Variants in MAN1A2 observed in about 807,000 individuals in gnomAD.
MAN1A2 encodes the protein mannosidase alpha class 1A member 2.
Under a neutral mutation model 75.7 loss-of-function variants are expected in MAN1A2, and 26 were observed. The observed-to-expected ratio is 0.34, with a 90% confidence interval of 0.25 to 0.48. MAN1A2 has a LOEUF of 0.48. Ranked by LOEUF, MAN1A2 falls within the 20% of genes least tolerant of loss-of-function variation. The pLI, the probability that MAN1A2 is intolerant of heterozygous loss-of-function variation, is 0.99. For missense variants in MAN1A2, 562 were observed against 775.5 expected (o/e 0.72, Z 3.27); for synonymous variants, 247 against 264.6 (o/e 0.93, Z 0.65).
At chr1:117,473,000 T>G (rs761078702) in intron 8 of MAN1A2, among the ~76,000 whole-genome samples, 6 of 152,004 alleles carry the variant, frequency 3.9e-5, no homozygotes, top group African/African-American at 7.2e-5. Context: ...ACCATTTACA[T>G]GCTGGCATCT....
intron 8 of MAN1A2, among the ~76,000 whole-genome samples, chr1:117,485,704 A>G (rs1308242000): frequency 6.6e-6 from 1 of 152,042 alleles, no homozygotes; most frequent in African/African-American, 2.4e-5. Context: ...CCTGGTATTT[A>G]CCACTAGAAT....
chr1:117,461,882 A>C (rs972938962), intron 7 of MAN1A2, among the ~76,000 whole-genome samples: 10 of 152,198 alleles, frequency 6.6e-5, no homozygotes, highest in Non-Finnish European at 1.3e-4. Context: ...AGACACTTCT[A>C]GAATTTATAC....
At chr1:117,507,472 A>C (rs1651408601) in intron 12 of MAN1A2, among the ~76,000 whole-genome samples, 1 of 151,692 alleles carries the variant, frequency 6.6e-6, no homozygotes. Context: ...TGAAAACTGG[A>C]TATAAACCAA....
intron 8 of MAN1A2, among the ~76,000 whole-genome samples, chr1:117,480,960 A>G (rs1476029207): frequency 6.6e-6 from 1 of 151,578 alleles, no homozygotes; most frequent in African/African-American, 2.4e-5. Context: ...CTTTCCCTCA[A>G]CCCCACCCAG....
chr1:117,479,986 C>T (rs987630875), intron 8 of MAN1A2, among the ~76,000 whole-genome samples: 3 of 151,888 alleles, frequency 2.0e-5, no homozygotes, highest in Non-Finnish European at 2.9e-5. Context: ...GAGTACTCTA[C>T]TAAATGTCCT....
chr1:117,444,008 A>G lies in MAN1A2; in HGVS notation c.950+1683A>G, dbSNP rs556618472. 1.2e-3 allele frequency among the ~76,000 whole-genome samples: 185 copies of G among 152,146 alleles called. 1 individual carries two copies. Among genetic ancestry groups the G allele is most frequent in the African/African-American group, 4.1e-3 (172 of 41,522 alleles). ...GACTGAAAGCCAACCCATCTTAATA[A>G]TCTATCATATTTATCTTCTACAATA... is the stretch of plus-strand genomic sequence containing the variant. On this transcript the variant is annotated intron_variant, in intron 6 of 12. Coordinates refer to ENST00000356554, the MANE Select transcript of MAN1A2 (RefSeq NM_006699.5).
rs10923320 is a variant in MAN1A2 at position 117,487,865 on chromosome 1, A to T, written c.1169-5282A>T. ...TTTTACAAGTTATGTGTTAACTTTT[A>T]TGATTTTTTTGTGATTATAAAATGT... On this transcript the variant is annotated intron_variant, in intron 8 of 12. Coordinates refer to ENST00000356554, the MANE Select transcript of MAN1A2 (RefSeq NM_006699.5). Among the ~76,000 whole-genome samples the T allele has an allele frequency of 3.7e-3, 562 of 152,178 alleles. 6 individuals are homozygous for T. Among genetic ancestry groups the T allele is most frequent in the African/African-American group, 0.013 (533 of 41,562 alleles).
chr1:117,480,399 A>G lies in MAN1A2; in HGVS notation c.1169-12748A>G, dbSNP rs146920478. Among the ~76,000 whole-genome samples the G allele has an allele frequency of 7.8e-3, 1,191 of 151,878 alleles. 12 individuals are homozygous for G. Among genetic ancestry groups the G allele is most frequent in the African/African-American group, 0.027 (1,120 of 41,454 alleles). ...GGACTCACCTTGTTTGTTTTCCATC[A>G]TTTAGCGATTACTATCCTCTGTTGT... On this transcript the variant is annotated intron_variant, in intron 8 of 12. Coordinates refer to ENST00000356554, the MANE Select transcript of MAN1A2 (RefSeq NM_006699.5).
intron 5 of MAN1A2, among the ~76,000 whole-genome samples, chr1:117,425,525 A>G (rs1224064728): frequency 6.6e-6 from 1 of 152,232 alleles, no homozygotes; most frequent in Non-Finnish European, 1.5e-5. Flanking sequence ...GTTTCTTCCC[A>G]AGAATGCAAG....
chr1:117,380,713 T>G (rs1433847409), intron 1 of MAN1A2, among the ~76,000 whole-genome samples: 1 of 152,214 alleles, frequency 6.6e-6, no homozygotes, highest in Non-Finnish European at 1.5e-5. Context: ...TTCAGTTCTA[T>G]TCCATTCATC....
At chr1:117,506,538 G>A (rs1240238522) in intron 12 of MAN1A2, among the ~76,000 whole-genome samples, 2 of 151,476 alleles carry the variant, frequency 1.3e-5, no homozygotes, top group Non-Finnish European at 3.0e-5. Context: ...TAATGAGGAA[G>A]GTCAGAGATA....
At position 117,496,886 on chromosome 1, in the gene MAN1A2, C is replaced by T. The variant is rs1028015606; in HGVS notation, c.1408C>T (p.Leu470=). ...CTGCTTTGCTGGGGGAATGTTTGCACTAGGAGCAGATGGTTCCAGAGCAGA... is the reference window on the plus strand; with the variant it reads ...CTGCTTTGCTGGGGGAATGTTTGCATTAGGAGCAGATGGTTCCAGAGCAGA... The part of the protein sequence containing the change: ...LACFAGGMFA[L]GADGSRADKA... The change falls in exon 10 of 13, where the codon CTA becomes TTA. Residue 470 remains leucine, a synonymous_variant. Transcript: ENST00000356554. 1 of 1,612,638 alleles carries T rather than the reference C, an allele frequency of 6.2e-7. No homozygotes were observed. The highest frequency in any genetic ancestry group is 1.3e-5 in the African/African-American group (1 of 74,882).
At chr1:117,471,883 G>T (rs1002198707) in intron 8 of MAN1A2, among the ~76,000 whole-genome samples, 1 of 151,910 alleles carries the variant, frequency 6.6e-6, no homozygotes, top group African/African-American at 2.4e-5. Context: ...ACCGGATCAG[G>T]TTTTGAGAAA....
At chr1:117,502,404 G>A (rs543567263) in intron 11 of MAN1A2, among the ~76,000 whole-genome samples, 3 of 151,718 alleles carry the variant, frequency 2.0e-5, no homozygotes, top group South Asian at 2.1e-4. Flanking sequence ...ATCTCTTACC[G>A]CTATTACTAT....
chr1:117,376,744 T>G lies in MAN1A2; in HGVS notation c.302+8259T>G, dbSNP rs1653159099. Among the ~76,000 whole-genome samples the G allele has an allele frequency of 2.0e-5, 3 of 152,254 alleles. No individual in the cohort carries two copies. The South Asian group carries it at 6.2e-4, about 32-fold the overall frequency. ...TATCCATAGGTTCCACATGTGTGGA[T>G]TCAACCAACTGCAGGTTGAAAATAT... On this transcript the variant is annotated intron_variant, in intron 1 of 12. Coordinates refer to ENST00000356554, the MANE Select transcript of MAN1A2 (RefSeq NM_006699.5).
At chr1:117,445,874 C>G (rs6664797) in intron 6 of MAN1A2, among the ~76,000 whole-genome samples, 4 of 93,666 alleles carry the variant, frequency 4.3e-5, no homozygotes, top group African/African-American at 8.6e-5. Context: ...GTGTGTGTGT[C>G]TGTGTGTGTG....
intron 1 of MAN1A2, among the ~76,000 whole-genome samples, chr1:117,381,243 A>T (rs12402086): frequency 1.3e-5 from 2 of 151,890 alleles, no homozygotes; most frequent in African/African-American, 4.8e-5. Flanking sequence ...TGTGCAGGTT[A>T]GTTACATATG....
At position 117,526,880 on chromosome 1, in the gene MAN1A2, C is replaced by CTCTCTCTCTCTATATATATA; in HGVS notation, c.*3924_*3925insCTCTCTCTCTATATATATAT. 5.9e-4 allele frequency: 32 copies of CTCTCTCTCTCTATATATATA among 54,506 alleles called. No homozygotes were observed. The highest frequency in any genetic ancestry group is 8.1e-4 in the African/African-American group (10 of 12,276). 3.4% of individuals were successfully genotyped at this position (54,506 alleles called of 1,614,324 possible). On this transcript the variant is annotated 3_prime_UTR_variant, in exon 13 of 13. Coordinates refer to ENST00000356554, the MANE Select transcript of MAN1A2 (RefSeq NM_006699.5). Reference sequence around the variant, plus strand: ...TCTCTCTCTCTCTCTCTCTCTCTCTCTATATATATATATATATATATATAT... The same window carrying CTCTCTCTCTCTATATATATA: ...TCTCTCTCTCTCTCTCTCTCTCTCTCTCTCTCTCTCTATATATATATATATATATATATATATATATATAT...
At chr1:117,470,529 C>T (rs1434823889) in intron 8 of MAN1A2, among the ~76,000 whole-genome samples, 1 of 151,924 alleles carries the variant, frequency 6.6e-6, no homozygotes, top group East Asian at 1.9e-4. Context: ...AACTTTTATT[C>T]CTCTGTTTTT....
Sources: allele counts gnomAD v4.1 joint callset (sites outside exome capture counted in the v4.1 genomes callset), GRCh38; gene constraint gnomAD v4.1.1; transcripts MANE v1.5; gene names NCBI Gene and HGNC (gene_info 2026-07-23, HGNC 2026-07-21).